ZMYM2: variants seen among roughly 807,000 people sequenced by gnomAD.
ZMYM2 encodes zinc finger MYM-type protein 2.
A neutral mutation model predicts 162.8 loss-of-function variants in ZMYM2; 56 were observed. The ratio of observed to expected loss-of-function variants is 0.34; its 90% CI spans 0.28 to 0.43. The LOEUF is 0.43. Among genes scored for constraint, ZMYM2 ranks in the 20% least tolerant of loss-of-function variants. ZMYM2 has a pLI of 1.00. For missense variants in ZMYM2, 1,275 were observed against 1,621.8 expected, an observed-to-expected ratio of 0.79 and a Z score of 3.67; for synonymous variants, 510 against 541.6, an observed-to-expected ratio of 0.94 and a Z score of 0.81.
At chr13:19,939,659 A>C in the ZMYM2 span, among the ~76,000 whole-genome samples, 1 of 152,194 alleles carries the variant, frequency 6.6e-6, no homozygotes, top group Non-Finnish European at 1.5e-5. Flanking sequence ...AAATACTTTA[A>C]ACATCAATAC....
chr13:19,976,429 CAT>C (rs1299618619), intron 2 of ZMYM2, among the ~76,000 whole-genome samples: 1 of 151,374 alleles, frequency 6.6e-6, no homozygotes, highest in Non-Finnish European at 1.5e-5. Context: ...AAAAAAACAA[CAT>C]AAAATTTACT....
rs541975608 is a variant in ZMYM2 at position 20,032,350 on chromosome 13, C to T, written c.1968+915C>T. The stretch of plus-strand genomic sequence containing the variant: ...AGATGGATACATGGCCAAGACTGCC[C>T]AGGCTGCCCATTGCTTTCTTGAGCA... On this transcript the variant is annotated intron_variant, in intron 10 of 24. Transcript: ENST00000610343. Among the ~76,000 whole-genome samples the T allele has an allele frequency of 7.2e-5, 11 of 151,756 alleles. No homozygotes were observed. In the East Asian group the frequency reaches 2.1e-3, roughly 29 times the overall value.
chr13:20,057,497 A>C (rs1422651326), intron 14 of ZMYM2, among the ~76,000 whole-genome samples: 2 of 152,080 alleles, frequency 1.3e-5, no homozygotes, highest in African/African-American at 4.8e-5. Context: ...TATATGCATA[A>C]GGGTACAGTA....
intron 21 of ZMYM2, among the ~76,000 whole-genome samples, chr13:20,072,610 A>G (rs1250498494): frequency 6.6e-6 from 1 of 152,190 alleles, no homozygotes; most frequent in East Asian, 1.9e-4. Context: ...GAGAATTGGC[A>G]TTCTTCCTTA....
chr13:19,958,336 G>A (rs1254367532), upstream of ZMYM2, among the ~76,000 whole-genome samples: 1 of 152,068 alleles, frequency 6.6e-6, no homozygotes, highest in Non-Finnish European at 1.5e-5. Flanking sequence ...TCGGGCGAGG[G>A]CAGGCGGCCC....
At chr13:19,974,549 C>G (rs1467684729) in intron 2 of ZMYM2, among the ~76,000 whole-genome samples, 1 of 148,348 alleles carries the variant, frequency 6.7e-6, no homozygotes, top group Non-Finnish European at 1.5e-5. Context: ...GATCTCGGCT[C>G]TCTGCAGTCT....
chr13:19,868,305 C>T, the ZMYM2 span, among the ~76,000 whole-genome samples: 1 of 152,162 alleles, frequency 6.6e-6, no homozygotes, highest in Non-Finnish European at 1.5e-5. Flanking sequence ...TATGTAGTAG[C>T]TTTTGCTTTT....
At chr13:20,063,910 ATATAT>A (rs1956467389) in intron 18 of ZMYM2, among the ~76,000 whole-genome samples, 1 of 10,438 alleles carries the variant, frequency 9.6e-5, no homozygotes, top group Non-Finnish European at 5.8e-4. Flanking sequence ...TTTATATATA[ATATAT>A]ATTTTATATA....
intron 3 of ZMYM2, among the ~76,000 whole-genome samples, chr13:19,997,737 C>T (rs554076091): frequency 6.6e-5 from 10 of 152,030 alleles, no homozygotes; most frequent in African/African-American, 1.7e-4. Flanking sequence ...GTTGTCTTAC[C>T]GCTGAGAATC....
the ZMYM2 span, among the ~76,000 whole-genome samples, chr13:19,915,134 T>C: frequency 6.6e-6 from 1 of 152,132 alleles, no homozygotes; most frequent in Non-Finnish European, 1.5e-5. Context: ...GCTAATTTTG[T>C]ATTTTCAGTA....
At chr13:20,067,070 C>A (rs1956735872) in intron 20 of ZMYM2, 51 bp downstream of exon 20, 1 of 1,509,018 alleles carries the variant, frequency 6.6e-7, no homozygotes, top group African/African-American at 1.4e-5. Flanking sequence ...ATCAAGATTT[C>A]TGTTATTGAG....
chr13:20,058,402 A>G (rs1030739158), intron 14 of ZMYM2, among the ~76,000 whole-genome samples, 173 bp from the exon 15 acceptor site: 2 of 152,226 alleles, frequency 1.3e-5, no homozygotes, highest in African/African-American at 2.4e-5. Context: ...GGATAGATTC[A>G]TATTGATCCT....
intron 12 of ZMYM2, among the ~76,000 whole-genome samples, chr13:20,044,612 A>G (rs1442990882): frequency 6.6e-6 from 1 of 152,130 alleles, no homozygotes; most frequent in Non-Finnish European, 1.5e-5. Flanking sequence ...ACATTGCATC[A>G]GTTTCTTCCT....
the ZMYM2 span, among the ~76,000 whole-genome samples, chr13:19,938,137 C>T: frequency 2.0e-5 from 3 of 152,096 alleles, no homozygotes; most frequent in Non-Finnish European, 4.4e-5. Flanking sequence ...TTTATAGCAG[C>T]ATGATTTATA....
At chr13:19,972,763 G>A (rs998787487) in intron 2 of ZMYM2, among the ~76,000 whole-genome samples, 22 of 151,748 alleles carry the variant, frequency 1.4e-4, no homozygotes, top group Non-Finnish European at 2.6e-4. Flanking sequence ...ATTGCCCTCC[G>A]TTATTCTTCT....
At chr13:20,016,515 T>G (rs1436180267) in intron 6 of ZMYM2, among the ~76,000 whole-genome samples, 1 of 152,196 alleles carries the variant, frequency 6.6e-6, no homozygotes, top group Non-Finnish European at 1.5e-5. Context: ...CCTTTTAGCA[T>G]TTGTTTTGTA....
chr13:20,067,303 A>G lies in ZMYM2; in HGVS notation c.3366A>G (p.Leu1122=), dbSNP rs1956753698. ...SHTTAELNYG[L]AHFVNEIRRP... ...CCACAGCTGAGCTTAACTATGGGTT[A>G]GCTCATTTTGTCAATGAGATCCGAC... Residue 1122 remains leucine, a synonymous_variant, in exon 21 of 25, where the codon TTA becomes TTG. Coordinates refer to ENST00000610343, the MANE Select transcript of ZMYM2 (RefSeq NM_197968.4). 2 of 1,603,408 alleles carry G rather than the reference A, an allele frequency of 1.2e-6. No individual in the cohort carries two copies. The highest frequency in any genetic ancestry group is 1.7e-6 in the Non-Finnish European group (2 of 1,174,612).
the ZMYM2 span, among the ~76,000 whole-genome samples, chr13:19,867,151 G>C: frequency 9.9e-5 from 15 of 152,002 alleles, no homozygotes; most frequent in Admixed American, 6.6e-4. Flanking sequence ...TCGGGAGTTC[G>C]AGACCAGCCT....
At chr13:19,933,278 G>A in the ZMYM2 span, among the ~76,000 whole-genome samples, 1 of 152,076 alleles carries the variant, frequency 6.6e-6, no homozygotes, top group South Asian at 2.1e-4. Flanking sequence ...CAGCTTCTGG[G>A]AATAAGGTCC....
Sources: gnomAD v4.1 joint callset for allele counts (sites outside exome capture counted in the v4.1 genomes callset) on GRCh38, gnomAD v4.1.1 for gene constraint, MANE v1.5 for transcripts, NCBI Gene and HGNC (gene_info 2026-07-23, HGNC 2026-07-21) for gene names.